EFCAB6: variants seen among roughly 807,000 people sequenced by gnomAD.
The protein encoded by EFCAB6 is EF-hand calcium binding domain 6.
A neutral mutation model predicts 169.8 loss-of-function variants in EFCAB6; 156 were observed. The observed-to-expected ratio is 0.92, with a 90% CI of 0.81 to 1.05. EFCAB6 has a LOEUF of 1.05. EFCAB6 is among the 50% of genes least tolerant of loss of function. The pLI is 0.00. For synonymous variants in EFCAB6, 698 were observed against 676.4 expected, an observed-to-expected ratio of 1.03 and a Z score of -0.50; for missense variants, 1,800 against 1,829.1, an observed-to-expected ratio of 0.98 and a Z score of 0.29.
chr22:43,772,029 C>A (rs895278975), intron 4 of EFCAB6, among the ~76,000 whole-genome samples: 1 of 152,148 alleles, frequency 6.6e-6, no homozygotes, highest in Admixed American at 6.5e-5. Flanking sequence ...TTCGTCAAAA[C>A]TAAGTTAAAT....
chr22:43,552,997 A>G (rs2048470654), intron 27 of EFCAB6: 1 of 152,226 alleles, frequency 6.6e-6, no homozygotes, highest in Non-Finnish European at 1.5e-5. Flanking sequence ...AGCAAAAATG[A>G]TCACACCAAA....
intron 6 of EFCAB6, among the ~76,000 whole-genome samples, chr22:43,738,037 TACTC>T (rs1329543695): frequency 6.9e-6 from 1 of 145,950 alleles, no homozygotes; most frequent in Non-Finnish European, 1.5e-5. Context: ...CACCTGCATA[TACTC>T]ACACATTCAC....
chr22:43,608,640 G>A (rs1465649733), intron 21 of EFCAB6, 40 bp from the exon 22 acceptor site: 2 of 1,586,522 alleles, frequency 1.3e-6, no homozygotes, highest in Non-Finnish European at 1.7e-6. Flanking sequence ...CATGTGAAAT[G>A]TGCGTATGAC....
chr22:43,774,189 G>T (rs1442660127), intron 3 of EFCAB6, among the ~76,000 whole-genome samples: 1 of 151,744 alleles, frequency 6.6e-6, no homozygotes, highest in Admixed American at 6.6e-5. Flanking sequence ...CACATTTCTG[G>T]CATAAGGACA....
At chr22:43,701,363 C>T (rs2058758607) in intron 10 of EFCAB6, among the ~76,000 whole-genome samples, 1 of 152,188 alleles carries the variant, frequency 6.6e-6, no homozygotes. Context: ...CCTCAACAAT[C>T]ACCATCTAGA....
intron 2 of EFCAB6, among the ~76,000 whole-genome samples, chr22:43,802,209 T>C (rs1425247215): frequency 1.3e-5 from 2 of 152,130 alleles, no homozygotes; most frequent in African/African-American, 4.8e-5. Flanking sequence ...ATCATCACCA[T>C]GCCCAAGAGA....
At chr22:43,585,543 C>A (rs1024754222) in intron 24 of EFCAB6, among the ~76,000 whole-genome samples, 1 of 151,234 alleles carries the variant, frequency 6.6e-6, no homozygotes, top group Admixed American at 6.6e-5. Flanking sequence ...AATAAGCAAA[C>A]AAACAAAGAA....
chr22:43,787,403 G>A (rs2062121800), intron 2 of EFCAB6, among the ~76,000 whole-genome samples: 1 of 149,566 alleles, frequency 6.7e-6, no homozygotes, highest in African/African-American at 2.5e-5. Flanking sequence ...TAATAAACAA[G>A]TTCAATAAGG....
At chr22:43,680,610 TCTTTA>T (rs2057966260) in intron 12 of EFCAB6, among the ~76,000 whole-genome samples, 1 of 152,234 alleles carries the variant, frequency 6.6e-6, no homozygotes, top group Non-Finnish European at 1.5e-5. Flanking sequence ...ATTTACATAT[TCTTTA>T]CTTTCCTTTA....
chr22:43,703,443 G>T (rs2058837976), intron 10 of EFCAB6, among the ~76,000 whole-genome samples: 1 of 152,048 alleles, frequency 6.6e-6, no homozygotes, highest in Non-Finnish European at 1.5e-5. Context: ...TGACAGAAGG[G>T]TAACAGACTC....
intron 26 of EFCAB6, among the ~76,000 whole-genome samples, chr22:43,565,902 T>C (rs2049391328): frequency 6.6e-6 from 1 of 152,186 alleles, no homozygotes; most frequent in South Asian, 2.1e-4. Context: ...AATTACTTCA[T>C]TTTATCAAAT....
chr22:43,606,426 A>G (rs1360580381), intron 22 of EFCAB6, among the ~76,000 whole-genome samples: 1 of 152,218 alleles, frequency 6.6e-6, no homozygotes, highest in Non-Finnish European at 1.5e-5. Context: ...CTGGGTGAAC[A>G]AATGAAGAAA....
At chr22:43,791,874 A>G (rs1021259681) in intron 2 of EFCAB6, among the ~76,000 whole-genome samples, 3 of 152,220 alleles carry the variant, frequency 2.0e-5, no homozygotes, top group Non-Finnish European at 4.4e-5. Flanking sequence ...TGGGAGAATC[A>G]GCAGCATGTC....
intron 12 of EFCAB6, among the ~76,000 whole-genome samples, chr22:43,679,401 T>C (rs1222740870): frequency 6.6e-6 from 1 of 152,214 alleles, no homozygotes; most frequent in Non-Finnish European, 1.5e-5. Context: ...TGGTGGACAT[T>C]TGGATTGTTT....
chr22:43,647,576 T>A (rs2056240322), intron 17 of EFCAB6, among the ~76,000 whole-genome samples: 1 of 152,320 alleles, frequency 6.6e-6, no homozygotes, highest in Non-Finnish European at 1.5e-5. Flanking sequence ...GAGGTCTCAA[T>A]CCTGGTTCCA....
intron 24 of EFCAB6, among the ~76,000 whole-genome samples, chr22:43,583,862 A>ATT (rs76367008): frequency 6.6e-6 from 1 of 151,848 alleles, no homozygotes; most frequent in Non-Finnish European, 1.5e-5. Flanking sequence ...CACAGTTTAC[A>ATT]TTTTTTTATG....
chr22:43,651,894 G>T (rs2056489088), intron 17 of EFCAB6, among the ~76,000 whole-genome samples: 1 of 152,196 alleles, frequency 6.6e-6, no homozygotes, highest in Non-Finnish European at 1.5e-5. Context: ...ATTTTGAATG[G>T]CTGTATTTAC....
At chr22:43,549,706 C>G (rs2048274624) in intron 27 of EFCAB6, among the ~76,000 whole-genome samples, 1 of 152,066 alleles carries the variant, frequency 6.6e-6, no homozygotes, top group Non-Finnish European at 1.5e-5. Context: ...AATATTGATA[C>G]CAAAGCCAGA....
At chr22:43,743,833 A>C (rs77955481) in intron 6 of EFCAB6, among the ~76,000 whole-genome samples, 17,866 of 152,192 alleles carry the variant, frequency 0.12, 1,134 homozygotes, top group Middle Eastern at 0.18. Context: ...CAGAGCCAAG[A>C]CTAGGGCCTG....
Sources: allele counts gnomAD v4.1 joint callset (sites outside exome capture counted in the v4.1 genomes callset), GRCh38; gene constraint gnomAD v4.1.1; transcripts MANE v1.5; gene names NCBI Gene and HGNC (gene_info 2026-07-23, HGNC 2026-07-21).